CCBE1: variants seen among roughly 807,000 people sequenced by gnomAD.
CCBE1 encodes the protein collagen and calcium binding EGF domains 1.
CCBE1 carries 37 observed loss-of-function variants against 50.0 expected under a neutral mutation model. The observed-to-expected ratio is 0.74, with a 90% CI of 0.57 to 0.97. CCBE1 has a LOEUF of 0.97. Ranked by LOEUF, CCBE1 falls within the 50% of genes least tolerant of loss-of-function variation. CCBE1 has a pLI of 0.00. For missense variants in CCBE1, 538 were observed against 523.8 expected, an observed-to-expected ratio of 1.03 and a Z score of -0.26; for synonymous variants, 234 against 203.7, an observed-to-expected ratio of 1.15 and a Z score of -1.27.
At chr18:59,694,519 T>C (rs1295706326) in intron 2 of CCBE1, among the ~76,000 whole-genome samples, 1 of 152,226 alleles carries the variant, frequency 6.6e-6, no homozygotes, top group Non-Finnish European at 1.5e-5. Context: ...CACTGGTTTC[T>C]TACAGCAGTG....
intron 2 of CCBE1, among the ~76,000 whole-genome samples, chr18:59,664,625 G>C (rs907175696): frequency 6.6e-6 from 1 of 152,124 alleles, no homozygotes; most frequent in Non-Finnish European, 1.5e-5. Flanking sequence ...CCAGGCTGCT[G>C]CCATTAAGCA....
chr18:59,613,324 CTT>C (rs2144588276), intron 2 of CCBE1, among the ~76,000 whole-genome samples: 1 of 152,154 alleles, frequency 6.6e-6, no homozygotes, highest in Admixed American at 6.5e-5. Flanking sequence ...TTTTTGTACC[CTT>C]GAGAGGGATT....
In CCBE1 at chr18:59,692,487, T is replaced by TCC. The variant is rs536271056; in HGVS notation, c.212+4140_212+4141dup. ...GTGTTTTGACATTATCGAAGCCCACTCCCCCGCCATGGGAACTTGGTGACT... is the reference window on the plus strand; with the variant it reads ...GTGTTTTGACATTATCGAAGCCCACTCCCCCCCGCCATGGGAACTTGGTGACT... On this transcript the variant is annotated intron_variant, in intron 2 of 10. Coordinates refer to ENST00000439986, the MANE Select transcript of CCBE1 (RefSeq NM_133459.4). Among the ~76,000 whole-genome samples, 257 of 151,982 alleles carry TCC rather than the reference T, an allele frequency of 1.7e-3. 2 individuals carry two copies. Among genetic ancestry groups the TCC allele is most frequent in the African/African-American group, 5.9e-3 (246 of 41,458 alleles).
intron 2 of CCBE1, among the ~76,000 whole-genome samples, chr18:59,495,718 C>T (rs1421254022): frequency 6.6e-6 from 1 of 151,960 alleles, no homozygotes; most frequent in Non-Finnish European, 1.5e-5. Context: ...GAAGATGACC[C>T]TCTGACCCTC....
At chr18:59,460,892 G>A (rs12962866) in intron 5 of CCBE1, among the ~76,000 whole-genome samples, 16 of 151,242 alleles carry the variant, frequency 1.1e-4, no homozygotes, top group East Asian at 1.9e-4. Flanking sequence ...CGGATATCGC[G>A]CCACTGCACT....
At chr18:59,530,204 G>C (rs1443473720) in intron 2 of CCBE1, among the ~76,000 whole-genome samples, 1 of 152,150 alleles carries the variant, frequency 6.6e-6, no homozygotes, top group Non-Finnish European at 1.5e-5. Context: ...GAGGCACCAG[G>C]TGGCCAAAGA....
intron 3 of CCBE1, among the ~76,000 whole-genome samples, chr18:59,470,226 G>T (rs981178241): frequency 6.6e-6 from 1 of 152,182 alleles, no homozygotes; most frequent in African/African-American, 2.4e-5. Context: ...GAGCAAAGCT[G>T]CTTCTTACAT....
intron 2 of CCBE1, among the ~76,000 whole-genome samples, chr18:59,657,950 G>A (rs913342192): frequency 2.0e-5 from 3 of 151,986 alleles, no homozygotes; most frequent in African/African-American, 7.3e-5. Flanking sequence ...TGGTTGTAAG[G>A]AGGCCACATT....
intron 2 of CCBE1, among the ~76,000 whole-genome samples, chr18:59,561,068 C>A (rs1479493727): frequency 1.3e-5 from 2 of 152,188 alleles, no homozygotes; most frequent in East Asian, 3.8e-4. Flanking sequence ...CAGCCTAGTA[C>A]TGACACCATA....
chr18:59,590,078 C>T lies in CCBE1; in HGVS notation c.212+106551G>A, dbSNP rs142130924. 6.9e-3 allele frequency among the ~76,000 whole-genome samples: 1,049 copies of T among 152,228 alleles called. 11 individuals are homozygous for T. Among genetic ancestry groups the T allele is most frequent in the African/African-American group, 0.023 (963 of 41,526 alleles). Reference sequence around the variant, plus strand: ...TTTACTTACCTTTCTTAATGTGAAACGCGAATTTCCACTATAGTCAGAAGC... The same window carrying T: ...TTTACTTACCTTTCTTAATGTGAAATGCGAATTTCCACTATAGTCAGAAGC... On this transcript the variant is annotated intron_variant, in intron 2 of 10. Transcript: ENST00000439986.
chr18:59,501,008 G>A (rs898312153), intron 2 of CCBE1, among the ~76,000 whole-genome samples: 1 of 152,180 alleles, frequency 6.6e-6, no homozygotes, highest in Non-Finnish European at 1.5e-5. Context: ...GTGGACAAAG[G>A]GAGTGTCAGA....
intron 1 of CCBE1, 57 bp downstream of exon 1, chr18:59,697,155 C>G: frequency 6.5e-7 from 1 of 1,545,364 alleles, no homozygotes; most frequent in Middle Eastern, 2.3e-4. Context: ...CCGCACCCCG[C>G]GAGCCGGGCG....
At position 59,591,918 on chromosome 18, in the gene CCBE1, C is replaced by T. The variant is rs143936828; in HGVS notation, c.212+104711G>A. On this transcript the variant is annotated intron_variant, in intron 2 of 10. Transcript: ENST00000439986. ...TAAATACCTATACAGGTTAAGCCTCCTTAAACCAAAAATGCAAAATGCTCC... is the reference window on the plus strand; with the variant it reads ...TAAATACCTATACAGGTTAAGCCTCTTTAAACCAAAAATGCAAAATGCTCC... Among the ~76,000 whole-genome samples the T allele has an allele frequency of 6.9e-3, 1,057 of 152,288 alleles. 10 individuals are homozygous for T. Among genetic ancestry groups the T allele is most frequent in the African/African-American group, 0.023 (974 of 41,554 alleles).
chr18:59,479,967 A>C (rs1416537849), intron 3 of CCBE1, among the ~76,000 whole-genome samples: 1 of 152,220 alleles, frequency 6.6e-6, no homozygotes, highest in Non-Finnish European at 1.5e-5. Context: ...TATAAGAATG[A>C]CTCAATGTGT....
chr18:59,535,296 C>T (rs1371593353), intron 2 of CCBE1, among the ~76,000 whole-genome samples: 1 of 152,136 alleles, frequency 6.6e-6, no homozygotes, highest in East Asian at 1.9e-4. Context: ...AGGGGAGGCA[C>T]TTTTTGATAA....
chr18:59,492,959 C>T lies in CCBE1; in HGVS notation c.213-12721G>A, dbSNP rs374131773. ...GAAAGGAGGCTCTGCTTGGACAGGG[C>T]TGTGATCCTTCCTCCCACCACACTG... On this transcript the variant is annotated intron_variant, in intron 2 of 10. Coordinates refer to ENST00000439986, the MANE Select transcript of CCBE1 (RefSeq NM_133459.4). Among the ~76,000 whole-genome samples the T allele has an allele frequency of 1.7e-3, 252 of 152,354 alleles. 2 individuals carry two copies. Among genetic ancestry groups the T allele is most frequent in the African/African-American group, 5.6e-3 (234 of 41,588 alleles).
At chr18:59,441,553 C>CA (rs1053063111) in intron 7 of CCBE1, among the ~76,000 whole-genome samples, 3 of 151,232 alleles carry the variant, frequency 2.0e-5, no homozygotes, top group African/African-American at 4.9e-5. Flanking sequence ...GGACAAGCCT[C>CA]AGAGGGGACC....
In CCBE1 at chr18:59,476,010, G is replaced by A. The variant is rs527601401; in HGVS notation, c.265+4176C>T. ...TGGGATTACAGGCGTGAGCCACTGCGGCTGGCTACTCTTCCACATTTACTG... is the reference window on the plus strand; with the variant it reads ...TGGGATTACAGGCGTGAGCCACTGCAGCTGGCTACTCTTCCACATTTACTG... On this transcript the variant is annotated intron_variant, in intron 3 of 10. Coordinates refer to ENST00000439986, the MANE Select transcript of CCBE1 (RefSeq NM_133459.4). Among the ~76,000 whole-genome samples the A allele has an allele frequency of 8.1e-4, 123 of 152,294 alleles. 3 individuals carry two copies. The South Asian group carries it at 0.025, about 31-fold the overall frequency.
At chr18:59,456,756 G>A (rs553602478) in intron 5 of CCBE1, among the ~76,000 whole-genome samples, 4 of 152,188 alleles carry the variant, frequency 2.6e-5, no homozygotes, top group African/African-American at 7.2e-5. Flanking sequence ...TACACAGCCC[G>A]ACTGCCCAGT....
Sources: gnomAD v4.1 joint callset for allele counts (sites outside exome capture counted in the v4.1 genomes callset) on GRCh38, gnomAD v4.1.1 for gene constraint, MANE v1.5 for transcripts, NCBI Gene and HGNC (gene_info 2026-07-23, HGNC 2026-07-21) for gene names.